Variants in ZNF827 observed in about 807,000 individuals in gnomAD.
The protein encoded by ZNF827 is zinc finger protein 827.
In ZNF827, 13 loss-of-function variants were observed where a neutral mutation model predicts 102.4. That is an observed-to-expected ratio of 0.13 (90% CI 0.08 to 0.20). The LOEUF (loss-of-function observed/expected upper bound fraction) is 0.20. ZNF827 is among the 10% of genes least tolerant of loss of function. The pLI is 1.00. For synonymous variants in ZNF827, 523 were observed against 536.2 expected (o/e 0.98, Z 0.34); for missense variants, 1,103 against 1,344.4 (o/e 0.82, Z 2.81).
At chr4:145,894,592 T>G (rs77570561) in intron 2 of ZNF827, among the ~76,000 whole-genome samples, 2 of 152,206 alleles carry the variant, frequency 1.3e-5, no homozygotes, top group Non-Finnish European at 2.9e-5. Context: ...GTTTTACTAA[T>G]ACAGGTCTAT....
chr4:145,858,896 GTATATGCAGACAAGT>G (rs1181980551), intron 5 of ZNF827, among the ~76,000 whole-genome samples: 2 of 152,182 alleles, frequency 1.3e-5, no homozygotes, highest in Admixed American at 1.3e-4. Context: ...AAGGGGTTCA[GTATATGCAGACAAGT>G]TTAACATGCT....
intron 8 of ZNF827, among the ~76,000 whole-genome samples, chr4:145,818,282 T>C (rs1349545395): frequency 3.9e-5 from 6 of 152,190 alleles, no homozygotes; most frequent in Non-Finnish European, 8.8e-5. Context: ...TGCTGTGCAG[T>C]TCTGGGTCTG....
chr4:145,932,176 G>A (rs972015091), intron 1 of ZNF827, among the ~76,000 whole-genome samples: 1 of 152,102 alleles, frequency 6.6e-6, no homozygotes, highest in African/African-American at 2.4e-5. Flanking sequence ...AGAACTGTAG[G>A]CAATACATTT....
At chr4:145,845,866 G>C (rs1408591054) in intron 7 of ZNF827, 90 bp downstream of exon 7, 2 of 1,343,720 alleles carry the variant, frequency 1.5e-6, no homozygotes, top group Admixed American at 1.8e-5. Flanking sequence ...CCCAGTGGGA[G>C]AAAGAGGTTT....
chr4:145,921,350 T>G (rs12641158), intron 1 of ZNF827, among the ~76,000 whole-genome samples: 55,392 of 151,040 alleles, frequency 0.37, 11,915 homozygotes, highest in African/African-American at 0.59. Context: ...AGAAAATGCC[T>G]AAAAGATCTT....
intron 1 of ZNF827, among the ~76,000 whole-genome samples, chr4:145,932,853 T>C (rs1753912422): frequency 6.6e-6 from 1 of 152,220 alleles, no homozygotes; most frequent in Non-Finnish European, 1.5e-5. Context: ...GGTGTGCCCA[T>C]AGTCTTTGTC....
rs183231217 is a variant in ZNF827 at position 145,762,973 on chromosome 4, G to A, written c.*17+117C>T. On this transcript the variant is annotated intron_variant, in intron 14 of 14. Transcript: ENST00000508784. This position sits in a 1 kb window ranked among gnomAD's most constrained non-coding sequence, Gnocchi z 4.9. ...GTGCACCGTGCACGGCCTCCTCAGC[G>A]CCAAGCTCGCCGTTAGCCTTTGAAC... The A allele has an allele frequency of 1.2e-5, 12 of 1,018,698 alleles. No individual in the cohort carries two copies. In the South Asian group the frequency reaches 1.3e-4, roughly 11 times the overall value. The allele number at this position is 1,018,698 out of a possible 1,614,324, so 63.1% of individuals were successfully genotyped here. A position where few individuals can be genotyped will look rare whatever the true frequency, so the allele number is the denominator to read the frequency against.
At chr4:145,797,850 T>A (rs946209870) in intron 8 of ZNF827, among the ~76,000 whole-genome samples, 1 of 152,232 alleles carries the variant, frequency 6.6e-6, no homozygotes, top group East Asian at 1.9e-4. Flanking sequence ...TCTGAGTGCT[T>A]ACATTTTTAG....
At chr4:145,819,273 T>C (rs775400419) in intron 8 of ZNF827, among the ~76,000 whole-genome samples, 7 of 152,186 alleles carry the variant, frequency 4.6e-5, no homozygotes, top group Non-Finnish European at 8.8e-5. Flanking sequence ...ACCCACATTT[T>C]CCTTCACACC....
chr4:145,874,422 T>C (rs755870514), intron 4 of ZNF827, among the ~76,000 whole-genome samples: 5 of 152,216 alleles, frequency 3.3e-5, no homozygotes, highest in Admixed American at 6.5e-5. Flanking sequence ...TGGGTCTCAA[T>C]AGAAGACGTA....
chr4:145,846,204 TC>T (rs1290481628), intron 6 of ZNF827, among the ~76,000 whole-genome samples, 191 bp from the exon 7 acceptor site: 1 of 152,302 alleles, frequency 6.6e-6, no homozygotes, highest in South Asian at 2.1e-4. Flanking sequence ...GTTGATAGTA[TC>T]CAGTGGCTCA....
chr4:145,803,489 T>C (rs997664647), intron 8 of ZNF827, among the ~76,000 whole-genome samples: 6 of 152,178 alleles, frequency 3.9e-5, no homozygotes, highest in South Asian at 2.1e-4. Context: ...ATTGCACAAA[T>C]AAAGGCAGTG....
intron 8 of ZNF827, chr4:145,820,243 G>C (rs1291028552): frequency 6.6e-6 from 1 of 152,572 alleles, no homozygotes; most frequent in Non-Finnish European, 1.5e-5. Flanking sequence ...ATTGGTAGAA[G>C]GTACATAACT....
intron 7 of ZNF827, chr4:145,834,834 A>G (rs1475747255): frequency 1.3e-5 from 2 of 152,140 alleles, no homozygotes; most frequent in Non-Finnish European, 2.9e-5. Context: ...CCGGCCCTGA[A>G]ACCCCACAAC....
intron 8 of ZNF827, among the ~76,000 whole-genome samples, chr4:145,787,551 G>A (rs1168302118): frequency 2.0e-5 from 3 of 151,728 alleles, no homozygotes; most frequent in African/African-American, 7.3e-5. Flanking sequence ...AGATGTAAGA[G>A]TTAACAGCCT....
chr4:145,811,515 A>T (rs943406161), intron 8 of ZNF827, among the ~76,000 whole-genome samples: 1 of 152,198 alleles, frequency 6.6e-6, no homozygotes, highest in Non-Finnish European at 1.5e-5. Flanking sequence ...GGAGGTCTAC[A>T]ACTAGGGAGG....
rs1123377 is a variant in ZNF827 at position 145,812,287 on chromosome 4, T to C, written c.2383+11135A>G. On this transcript the variant is annotated intron_variant, in intron 8 of 14. Coordinates refer to ENST00000508784, the MANE Select transcript of ZNF827 (RefSeq NM_001306215.2). ...GGAATTTTTATGACTGGGAGATTTA[T>C]TATCACATGAGAAAATCAGTCTTCA... is the stretch of plus-strand genomic sequence containing the variant. 7.6e-3 allele frequency among the ~76,000 whole-genome samples: 1,163 copies of C among 152,164 alleles called. 16 individuals carry two copies. The highest frequency in any genetic ancestry group is 0.026 in the African/African-American group (1,084 of 41,506).
chr4:145,814,769 C>CAAAAAAAAAA (rs773438540), intron 8 of ZNF827, among the ~76,000 whole-genome samples: 2 of 74,314 alleles, frequency 2.7e-5, no homozygotes, highest in Admixed American at 1.4e-4. Context: ...ACTAAAAATA[C>CAAAAAAAAAA]AAAAAAAAAA....
chr4:145,927,439 T>C (rs534688980), intron 1 of ZNF827, among the ~76,000 whole-genome samples: 1 of 152,126 alleles, frequency 6.6e-6, no homozygotes, highest in Non-Finnish European at 1.5e-5. Context: ...GTAGGACCAA[T>C]AGGGTAGAAG....
Sources: allele counts gnomAD v4.1 joint callset (sites outside exome capture counted in the v4.1 genomes callset), GRCh38; gene constraint gnomAD v4.1.1; non-coding constraint Gnocchi (gnomAD v3.1); transcripts MANE v1.5; gene names NCBI Gene and HGNC (gene_info 2026-07-23, HGNC 2026-07-21).